Variants in DOCK9 observed in about 807,000 individuals in gnomAD.
DOCK9 encodes the protein dedicator of cytokinesis protein 9.
Under a neutral mutation model 263.3 loss-of-function variants are expected in DOCK9, and 89 were observed. The ratio of observed to expected loss-of-function variants is 0.34; its 90% CI spans 0.28 to 0.40. The LOEUF is 0.40. Ranked by LOEUF, DOCK9 falls within the 10% of genes least tolerant of loss-of-function variation. The pLI, the probability that DOCK9 is intolerant of heterozygous loss-of-function variation, is 1.00. For synonymous variants in DOCK9, 976 were observed against 973.1 expected (o/e 1.00, Z -0.06); for missense variants, 2,140 against 2,603.4 (o/e 0.82, Z 3.87).
intron 45 of DOCK9, chr13:98,820,740 T>C (rs1011222492): frequency 7.4e-5 from 29 of 392,492 alleles, no homozygotes; most frequent in Non-Finnish European, 1.2e-4. Flanking sequence ...TCTCCAGATA[T>C]TGAGATATCT....
rs757371392 is a variant in DOCK9 at position 98,797,485 on chromosome 13, T to C, written c.5921A>G (p.Asn1974Ser). 4.3e-6 allele frequency: 7 copies of C among 1,609,530 alleles called. No homozygotes were observed. The highest frequency in any genetic ancestry group is 5.9e-6 in the Non-Finnish European group (7 of 1,177,696). Reference sequence around the variant, plus strand: ...TCGCGCATATGCTAGTGGGCCAGCATTGACCTAGACAAAGAGCAAAGATTT... The same window carrying C: ...TCGCGCATATGCTAGTGGGCCAGCACTGACCTAGACAAAGAGCAAAGATTT... ...KLQGSVSVQV[N>S]AGPLAYARAF... The change falls in exon 51 of 53, where the codon AAT (asparagine) becomes AGT (serine). Residue 1974 changes from asparagine to serine, a missense_variant. Coordinates refer to ENST00000682017, the MANE Select transcript of DOCK9 (RefSeq NM_001366683.2).
At chr13:98,901,022 G>A (rs2048198942) in intron 13 of DOCK9, among the ~76,000 whole-genome samples, 1 of 152,094 alleles carries the variant, frequency 6.6e-6, no homozygotes, top group Non-Finnish European at 1.5e-5. Flanking sequence ...TGTAAAACTG[G>A]CAAGGATAAT....
intron 27 of DOCK9, among the ~76,000 whole-genome samples, chr13:98,876,204 T>A (rs1426119275): frequency 3.3e-5 from 5 of 152,176 alleles, no homozygotes; most frequent in African/African-American, 1.2e-4. Flanking sequence ...CAAGAAAGGT[T>A]CCCTTGGCTG....
At chr13:99,045,569 A>G (rs1454406147) in intron 1 of DOCK9, among the ~76,000 whole-genome samples, 2 of 152,214 alleles carry the variant, frequency 1.3e-5, no homozygotes, top group Non-Finnish European at 2.9e-5. Context: ...AATACAGTAT[A>G]AACATGGTGA....
At chr13:99,039,425 T>C (rs1888249410) in intron 1 of DOCK9, among the ~76,000 whole-genome samples, 1 of 152,212 alleles carries the variant, frequency 6.6e-6, no homozygotes, top group South Asian at 2.1e-4. Flanking sequence ...ACTTTACTTT[T>C]TACTAAAGGA....
intron 1 of DOCK9, among the ~76,000 whole-genome samples, chr13:98,971,225 G>A (rs2059695983): frequency 6.6e-6 from 1 of 152,134 alleles, no homozygotes. Flanking sequence ...TGGTCTCTTG[G>A]CCCACCCGTG....
upstream of DOCK9, among the ~76,000 whole-genome samples, chr13:99,086,851 G>T (rs1392423851): frequency 2.0e-5 from 3 of 150,986 alleles, no homozygotes; most frequent in East Asian, 5.9e-4. Context: ...ACTGGGGAAG[G>T]TGGGGGGTCG....
intron 32 of DOCK9, among the ~76,000 whole-genome samples, chr13:98,861,551 T>C (rs140868153): frequency 0.018 from 2,787 of 152,330 alleles, 83 homozygotes; most frequent in African/African-American, 0.063. Flanking sequence ...AAAACTCTTA[T>C]AAACTTTACT....
intron 1 of DOCK9, among the ~76,000 whole-genome samples, chr13:99,077,190 T>G (rs2041942592): frequency 6.6e-6 from 1 of 152,146 alleles, no homozygotes; most frequent in African/African-American, 2.4e-5. Flanking sequence ...AAGGATGGAT[T>G]AATTACGGTA....
intron 43 of DOCK9, among the ~76,000 whole-genome samples, chr13:98,827,479 G>A (rs943723358): frequency 2.0e-5 from 3 of 152,186 alleles, no homozygotes; most frequent in African/African-American, 7.2e-5. Context: ...TGTTAGAAGC[G>A]AACCCCCTGC....
At chr13:98,841,778 T>G (rs1423778650) in intron 38 of DOCK9, among the ~76,000 whole-genome samples, 2 of 151,184 alleles carry the variant, frequency 1.3e-5, no homozygotes, top group African/African-American at 2.4e-5. Flanking sequence ...TGCACCACCA[T>G]GCCCAGATTT....
intron 1 of DOCK9, chr13:99,016,084 A>C (rs1885367095): frequency 6.5e-6 from 1 of 152,762 alleles, no homozygotes; most frequent in South Asian, 2.1e-4. Context: ...ATCTGCTGCA[A>C]GAAATCGCTC....
chr13:98,985,134 T>G (rs1487861938), intron 1 of DOCK9, among the ~76,000 whole-genome samples: 1 of 151,874 alleles, frequency 6.6e-6, no homozygotes, highest in African/African-American at 2.4e-5. Context: ...CCCACAGCAC[T>G]GGCACAGCAG....
At chr13:98,934,664 C>CAGA (rs3029376) in intron 2 of DOCK9, among the ~76,000 whole-genome samples, 97,481 of 151,578 alleles carry the variant, frequency 0.64, 31,827 homozygotes, top group Middle Eastern at 0.77. Context: ...AGAGTTAAGA[C>CAGA]AGAAGTGAGG....
intron 1 of DOCK9, among the ~76,000 whole-genome samples, chr13:99,080,478 TCAGC>T (rs2042082830): frequency 6.6e-6 from 1 of 152,218 alleles, no homozygotes; most frequent in Non-Finnish European, 1.5e-5. Context: ...GGATGTGTTC[TCAGC>T]CAATCAATGA....
intron 1 of DOCK9, among the ~76,000 whole-genome samples, chr13:99,057,246 A>G (rs1483640623): frequency 6.6e-6 from 1 of 152,218 alleles, no homozygotes; most frequent in East Asian, 1.9e-4. Flanking sequence ...ACTTGCAACC[A>G]AGAGTCCAAA....
intron 15 of DOCK9, 67 bp from the exon 16 acceptor site, chr13:98,888,778 G>A (rs2046189216): frequency 7.5e-7 from 1 of 1,336,836 alleles, no homozygotes; most frequent in Admixed American, 1.9e-5. Context: ...CTCTAGAGCA[G>A]CACTTCCAAG....
At chr13:98,887,151 T>TC (rs1248210756) in intron 18 of DOCK9, among the ~76,000 whole-genome samples, 1 of 31,414 alleles carries the variant, frequency 3.2e-5, no homozygotes, top group East Asian at 4.9e-4. Context: ...ATATTTTTTT[T>TC]TTTTTTTTTT....
intron 49 of DOCK9, 123 bp from the exon 50 acceptor site, chr13:98,800,601 C>T: frequency 8.2e-7 from 1 of 1,214,442 alleles, no homozygotes; most frequent in Admixed American, 2.8e-5. Flanking sequence ...AAATAAGGAA[C>T]CCAAAGCTTG....
Sources: gnomAD v4.1 joint callset for allele counts (sites outside exome capture counted in the v4.1 genomes callset) on GRCh38, gnomAD v4.1.1 for gene constraint, MANE v1.5 for transcripts, NCBI Gene and HGNC (gene_info 2026-07-23, HGNC 2026-07-21) for gene names.